Variants in SLC17A1 observed in about 807,000 individuals in gnomAD.
SLC17A1 encodes the protein sodium-dependent phosphate transport protein 1.
Under a neutral mutation model 53.5 loss-of-function variants are expected in SLC17A1, and 51 were observed. The ratio of observed to expected loss-of-function variants is 0.95; its 90% CI spans 0.76 to 1.20. The LOEUF is 1.20. SLC17A1 is among the 50% of genes most tolerant of loss of function. The pLI is 0.00. For missense variants in SLC17A1, 538 were observed against 568.2 expected (o/e 0.95, Z 0.54); for synonymous variants, 179 against 198.8 (o/e 0.90, Z 0.84).
At chr6:25,748,859 A>C in the SLC17A1 span, among the ~76,000 whole-genome samples, 1 of 152,234 alleles carries the variant, frequency 6.6e-6, no homozygotes, top group African/African-American at 2.4e-5. Context: ...TGGAGTAAAG[A>C]ATAACAAAGC....
intron 6 of SLC17A1, among the ~76,000 whole-genome samples, chr6:25,818,171 G>C (rs926520072): frequency 1.3e-5 from 2 of 152,192 alleles, no homozygotes; most frequent in Non-Finnish European, 2.9e-5. Context: ...AGATGAGAGG[G>C]AGAGAATTGA....
the SLC17A1 span, chr6:25,770,209 T>C: frequency 6.2e-7 from 1 of 1,614,128 alleles, no homozygotes; most frequent in East Asian, 2.2e-5. Context: ...GGCTTGTTTA[T>C]TTCCTCATTC....
At chr6:25,728,272 C>G in the SLC17A1 span, among the ~76,000 whole-genome samples, 1 of 152,080 alleles carries the variant, frequency 6.6e-6, no homozygotes, top group Non-Finnish European at 1.5e-5. Flanking sequence ...AGGAATTAAA[C>G]GGATTTAAAA....
chr6:25,805,616 T>C (rs1379697906), intron 10 of SLC17A1, among the ~76,000 whole-genome samples: 1 of 151,616 alleles, frequency 6.6e-6, no homozygotes, highest in Admixed American at 6.6e-5. Flanking sequence ...AATTAGATGA[T>C]TAGCTAGATT....
the SLC17A1 span, chr6:25,726,469 G>T: frequency 1.2e-6 from 2 of 1,613,818 alleles, no homozygotes; most frequent in Non-Finnish European, 1.7e-6. Flanking sequence ...ACCCGCTCTA[G>T]AAGAGCGAGA....
At chr6:25,805,620 C>G (rs1304513062) in intron 10 of SLC17A1, among the ~76,000 whole-genome samples, 1 of 151,636 alleles carries the variant, frequency 6.6e-6, no homozygotes, top group Non-Finnish European at 1.5e-5. Flanking sequence ...AGATGATTAG[C>G]TAGATTAACC....
At chr6:25,741,694 C>T in the SLC17A1 span, among the ~76,000 whole-genome samples, 3 of 151,558 alleles carry the variant, frequency 2.0e-5, no homozygotes, top group East Asian at 1.9e-4. Context: ...CCAGTCTGGG[C>T]GACAGAGCGA....
intron 2 of SLC17A1, among the ~76,000 whole-genome samples, chr6:25,829,235 A>G (rs572673023): frequency 6.6e-6 from 1 of 152,264 alleles, no homozygotes; most frequent in South Asian, 2.1e-4. Context: ...GATAGTGTAT[A>G]GTAGGAGACC....
At chr6:25,732,729 G>T in the SLC17A1 span, 2 of 1,232,048 alleles carry the variant, frequency 1.6e-6, no homozygotes, top group East Asian at 3.3e-5. Flanking sequence ...CTGCTGGCCC[G>T]AGTGACAATG....
chr6:25,726,521 C>T, the SLC17A1 span: 1 of 1,607,814 alleles, frequency 6.2e-7, no homozygotes, highest in Non-Finnish European at 8.5e-7. Flanking sequence ...TTCCCTCGTC[C>T]AGACATCTCC....
chr6:25,828,527 CTTTTA>C (rs1243425558), intron 2 of SLC17A1, among the ~76,000 whole-genome samples: 2 of 151,844 alleles, frequency 1.3e-5, no homozygotes, highest in Non-Finnish European at 2.9e-5. Flanking sequence ...TTAAGTTACT[CTTTTA>C]TTTTAAGAAT....
intron 11 of SLC17A1, among the ~76,000 whole-genome samples, chr6:25,799,587 G>T (rs1423492695): frequency 6.6e-6 from 1 of 152,094 alleles, no homozygotes; most frequent in Admixed American, 6.5e-5. Context: ...CCAAATATTT[G>T]ATTTACTCAA....
At chr6:25,738,058 T>G in the SLC17A1 span, among the ~76,000 whole-genome samples, 1 of 152,216 alleles carries the variant, frequency 6.6e-6, no homozygotes, top group Non-Finnish European at 1.5e-5. Flanking sequence ...TCACAGATGA[T>G]ATGATTGTTT....
At chr6:25,774,711 G>A in the SLC17A1 span, among the ~76,000 whole-genome samples, 4 of 152,144 alleles carry the variant, frequency 2.6e-5, no homozygotes, top group Non-Finnish European at 5.9e-5. Flanking sequence ...GACCCTCAGA[G>A]GCCAAGGCTG....
the SLC17A1 span, chr6:25,776,579 A>G: frequency 1.9e-6 from 3 of 1,588,360 alleles, no homozygotes; most frequent in Non-Finnish European, 1.7e-6. Flanking sequence ...CACCTGACCT[A>G]GTCTCTGGTC....
chr6:25,747,792 G>A, the SLC17A1 span, among the ~76,000 whole-genome samples: 2 of 152,198 alleles, frequency 1.3e-5, no homozygotes, highest in Non-Finnish European at 2.9e-5. Flanking sequence ...ATCAGATACT[G>A]AGTCTGGCAG....
intron 6 of SLC17A1, among the ~76,000 whole-genome samples, chr6:25,814,259 T>G (rs540188168): frequency 5.7e-4 from 87 of 152,356 alleles, no homozygotes; most frequent in African/African-American, 2.0e-3. Flanking sequence ...ACCATGCACC[T>G]ATTTTAAGTA....
At chr6:25,758,273 T>G in the SLC17A1 span, among the ~76,000 whole-genome samples, 1 of 152,234 alleles carries the variant, frequency 6.6e-6, no homozygotes, top group Admixed American at 6.5e-5. Flanking sequence ...CCTCCTTTCT[T>G]TCCTGGAGTG....
chr6:25,727,212 T>C, the SLC17A1 span: 5 of 1,614,014 alleles, frequency 3.1e-6, no homozygotes, highest in Non-Finnish European at 4.2e-6. Flanking sequence ...AGCAGTGCGC[T>C]TGCTACTGCC....
Sources: gnomAD v4.1 joint callset for allele counts (sites outside exome capture counted in the v4.1 genomes callset) on GRCh38, gnomAD v4.1.1 for gene constraint, MANE v1.5 for transcripts, NCBI Gene and HGNC (gene_info 2026-07-23, HGNC 2026-07-21) for gene names.